The following SEMA6D variants were observed in gnomAD, a reference collection of about 807,000 sequenced individuals.
The protein encoded by SEMA6D is semaphorin 6D.
In SEMA6D, 35 loss-of-function variants were observed where a neutral mutation model predicts 106.6. The ratio of observed to expected loss-of-function variants is 0.33; its 90% CI spans 0.25 to 0.44. The LOEUF (loss-of-function observed/expected upper bound fraction) is 0.44. Ranked by LOEUF, SEMA6D falls within the 20% of genes least tolerant of loss-of-function variation. SEMA6D has a pLI of 1.00. For synonymous variants in SEMA6D, 499 were observed against 487.7 expected, an observed-to-expected ratio of 1.02 and a Z score of -0.31; for missense variants, 1,185 against 1,345.9, an observed-to-expected ratio of 0.88 and a Z score of 1.87.
At chr15:47,704,040 C>T (rs969522317) in intron 4 of SEMA6D, among the ~76,000 whole-genome samples, 23 of 152,164 alleles carry the variant, frequency 1.5e-4, no homozygotes, top group African/African-American at 5.6e-4. Flanking sequence ...TACATATGCG[C>T]TCATATATGC....
intron 2 of SEMA6D, among the ~76,000 whole-genome samples, chr15:47,464,067 C>G (rs1295743852): frequency 6.6e-6 from 1 of 152,122 alleles, no homozygotes; most frequent in East Asian, 1.9e-4. Context: ...TTTAAATTTA[C>G]TCATTCACAT....
At chr15:47,461,197 G>A (rs1414563474) in intron 2 of SEMA6D, among the ~76,000 whole-genome samples, 1 of 152,052 alleles carries the variant, frequency 6.6e-6, no homozygotes, top group East Asian at 1.9e-4. Flanking sequence ...AGCCTTTGGT[G>A]ACCACATTGC....
chr15:47,241,411 T>C (rs933865806), intron 1 of SEMA6D: 1 of 152,132 alleles, frequency 6.6e-6, no homozygotes, highest in Non-Finnish European at 1.5e-5. Flanking sequence ...TGCGACATGT[T>C]TTTGTTGTTG....
intron 1 of SEMA6D, among the ~76,000 whole-genome samples, chr15:47,411,179 T>C (rs534724116): frequency 6.6e-6 from 1 of 152,228 alleles, no homozygotes; most frequent in Admixed American, 6.5e-5. Flanking sequence ...CACTGCAACC[T>C]CGGTTTCCTG....
intron 3 of SEMA6D, among the ~76,000 whole-genome samples, chr15:47,575,966 G>A (rs1162330979): frequency 6.6e-6 from 1 of 152,176 alleles, no homozygotes. Flanking sequence ...GGCTGGAAAA[G>A]GAGCCACGAT....
intron 1 of SEMA6D, among the ~76,000 whole-genome samples, chr15:47,194,482 G>A (rs1411177239): frequency 6.6e-6 from 1 of 151,996 alleles, no homozygotes; most frequent in African/African-American, 2.4e-5. Flanking sequence ...GGGTTGAGGT[G>A]GAAGTATTAA....
intron 1 of SEMA6D, among the ~76,000 whole-genome samples, chr15:47,269,391 A>AT (rs2142227871): frequency 6.6e-6 from 1 of 152,204 alleles, no homozygotes; most frequent in Non-Finnish European, 1.5e-5. Context: ...ATAGTTAAAA[A>AT]ATATAGCTCA....
chr15:47,682,292 C>T (rs192924849), intron 4 of SEMA6D, among the ~76,000 whole-genome samples: 85 of 152,142 alleles, frequency 5.6e-4, no homozygotes, highest in African/African-American at 1.9e-3. Context: ...CTCAGCCTCC[C>T]GAGTAGCTGG....
At chr15:47,746,958 A>T (rs1258455385) in intron 1 of SEMA6D, among the ~76,000 whole-genome samples, 1 of 127,756 alleles carries the variant, frequency 7.8e-6, no homozygotes, top group African/African-American at 2.7e-5. Flanking sequence ...TTTCTGCCAC[A>T]ACAGTCTCCT....
At chr15:47,275,623 T>C (rs984342916) in intron 1 of SEMA6D, among the ~76,000 whole-genome samples, 13 of 152,102 alleles carry the variant, frequency 8.5e-5, no homozygotes, top group African/African-American at 2.9e-4. Flanking sequence ...TTGATAAAAT[T>C]TGTGTGTGGT....
chr15:47,654,472 C>CTA (rs773717506), intron 4 of SEMA6D, among the ~76,000 whole-genome samples: 11 of 152,104 alleles, frequency 7.2e-5, no homozygotes, highest in Admixed American at 5.2e-4. Flanking sequence ...AGGGGAGAGA[C>CTA]TATATATATA....
At chr15:47,655,048 A>G (rs1487053272) in intron 4 of SEMA6D, among the ~76,000 whole-genome samples, 1 of 152,246 alleles carries the variant, frequency 6.6e-6, no homozygotes, top group African/African-American at 2.4e-5. Flanking sequence ...CAGGAGCAGA[A>G]TAAGTGGACC....
chr15:47,323,685 G>A (rs1260281123), intron 1 of SEMA6D, among the ~76,000 whole-genome samples: 2 of 152,142 alleles, frequency 1.3e-5, no homozygotes, highest in Non-Finnish European at 2.9e-5. Flanking sequence ...CCAGGGATCT[G>A]TCCTTGTCTA....
intron 3 of SEMA6D, among the ~76,000 whole-genome samples, chr15:47,472,189 A>G (rs11070587): frequency 0.26 from 40,009 of 152,078 alleles, 5,995 homozygotes; most frequent in East Asian, 0.48. Context: ...AAAGGGGCCA[A>G]AGTGCTGCCG....
intron 2 of SEMA6D, among the ~76,000 whole-genome samples, chr15:47,437,905 C>G (rs1458789305): frequency 1.3e-5 from 2 of 152,006 alleles, no homozygotes; most frequent in African/African-American, 4.8e-5. Flanking sequence ...TATTTGGTAC[C>G]TTGCTGCGAC....
intron 4 of SEMA6D, among the ~76,000 whole-genome samples, chr15:47,670,020 G>A (rs1414285542): frequency 6.6e-6 from 1 of 152,136 alleles, no homozygotes; most frequent in Non-Finnish European, 1.5e-5. Flanking sequence ...CTCGCCTGTG[G>A]ACACACTGTC....
At chr15:47,438,008 G>T (rs975576517) in intron 2 of SEMA6D, among the ~76,000 whole-genome samples, 6 of 152,042 alleles carry the variant, frequency 3.9e-5, no homozygotes, top group Non-Finnish European at 7.4e-5. Flanking sequence ...ATTTATAACT[G>T]CTACCAGATT....
intron 1 of SEMA6D, chr15:47,719,021 C>T (rs1468037970): frequency 6.6e-6 from 1 of 152,192 alleles, no homozygotes; most frequent in Non-Finnish European, 1.5e-5. Flanking sequence ...AATGAAAGGT[C>T]ATAAAGGACT....
intron 4 of SEMA6D, among the ~76,000 whole-genome samples, chr15:47,633,539 G>C (rs776483136): frequency 6.6e-6 from 1 of 152,072 alleles, no homozygotes; most frequent in African/African-American, 2.4e-5. Flanking sequence ...ATCTGTGGTT[G>C]CTTTCACAGT....
Sources: allele counts gnomAD v4.1 joint callset (sites outside exome capture counted in the v4.1 genomes callset), GRCh38; gene constraint gnomAD v4.1.1; transcripts MANE v1.5; gene names NCBI Gene and HGNC (gene_info 2026-07-23, HGNC 2026-07-21).